Variants in PIK3R3 observed in about 807,000 individuals in gnomAD.
PIK3R3 encodes phosphoinositide-3-kinase regulatory subunit 3, also known as phosphatidylinositol 3-kinase regulatory subunit gamma.
In PIK3R3, 64 loss-of-function variants were observed where a neutral mutation model predicts 62.9. The ratio of observed to expected loss-of-function variants is 1.02; its 90% CI spans 0.83 to 1.25. The LOEUF (loss-of-function observed/expected upper bound fraction) is 1.25, where lower values mean the gene tolerates loss of function less well. Ranked by LOEUF, PIK3R3 falls within the 50% of genes most tolerant of loss-of-function variation. PIK3R3 has a pLI of 0.00. For synonymous variants in PIK3R3, 165 were observed against 189.0 expected, an observed-to-expected ratio of 0.87 and a Z score of 1.04; for missense variants, 614 against 561.6, an observed-to-expected ratio of 1.09 and a Z score of -0.94.
intron 1 of PIK3R3, among the ~76,000 whole-genome samples, chr1:46,081,950 G>C (rs981119644): frequency 6.6e-6 from 1 of 151,864 alleles, no homozygotes; most frequent in African/African-American, 2.4e-5. Flanking sequence ...TAATAGTAAA[G>C]AAATATAACT....
At chr1:46,152,213 G>A in the PIK3R3 span, among the ~76,000 whole-genome samples, 4 of 152,254 alleles carry the variant, frequency 2.6e-5, no homozygotes, top group African/African-American at 9.6e-5. Flanking sequence ...TCAACACTCA[G>A]CCAACTAACA....
At chr1:46,067,400 A>C (rs1649112935) in intron 3 of PIK3R3, among the ~76,000 whole-genome samples, 1 of 151,980 alleles carries the variant, frequency 6.6e-6, no homozygotes, top group African/African-American at 2.4e-5. Flanking sequence ...AAACAGAAGT[A>C]AATTCTATTT....
At chr1:46,110,494 T>A (rs1456209299) in intron 1 of PIK3R3, among the ~76,000 whole-genome samples, 1 of 152,018 alleles carries the variant, frequency 6.6e-6, no homozygotes, top group African/African-American at 2.4e-5. Flanking sequence ...CATGAAACTT[T>A]CCCTCATATT....
At chr1:46,126,705 G>A (rs1052589546) in intron 1 of PIK3R3, among the ~76,000 whole-genome samples, 3 of 151,722 alleles carry the variant, frequency 2.0e-5, no homozygotes, top group African/African-American at 7.3e-5. Context: ...GGATGCTGAG[G>A]CAGAAGGATC....
At chr1:46,105,736 G>T (rs1024123736) in intron 1 of PIK3R3, among the ~76,000 whole-genome samples, 1 of 150,560 alleles carries the variant, frequency 6.6e-6, no homozygotes, top group African/African-American at 2.4e-5. Flanking sequence ...CATGAGAATC[G>T]CTTGAACCCC....
At chr1:46,125,225 C>G (rs72677551) in intron 1 of PIK3R3, among the ~76,000 whole-genome samples, 1 of 151,950 alleles carries the variant, frequency 6.6e-6, no homozygotes, top group Non-Finnish European at 1.5e-5. Context: ...TAGTTGGATA[C>G]ACTATACATT....
chr1:46,108,131 A>G (rs1221314363), intron 1 of PIK3R3, among the ~76,000 whole-genome samples: 2 of 152,230 alleles, frequency 1.3e-5, no homozygotes, highest in Admixed American at 1.3e-4. Flanking sequence ...AGTTATTACT[A>G]ACCCTTTGTA....
intron 3 of PIK3R3, among the ~76,000 whole-genome samples, chr1:46,070,727 C>T (rs546909698): frequency 6.6e-6 from 1 of 152,252 alleles, no homozygotes; most frequent in Admixed American, 6.5e-5. Context: ...CTGGTGACTA[C>T]ACTGGAGGAA....
Position 46,055,106 on chromosome 1 carries a change from C to CTT in PIK3R3, c.941+687_941+688dup, listed in dbSNP as rs754326024. ...TTTAGTACAGACAGGGTTTCACCAT[C>CTT]TTTTTTTTTTTTTTTTTCCCAGATG... On this transcript the variant is annotated intron_variant, in intron 7 of 9. Coordinates refer to ENST00000262741, the MANE Select transcript of PIK3R3 (RefSeq NM_003629.4). 5.5e-3 allele frequency among the ~76,000 whole-genome samples: 688 copies of CTT among 125,396 alleles called. 8 individuals carry two copies. The highest frequency in any genetic ancestry group is 0.02 in the African/African-American group (660 of 33,638). 82.3% of individuals were successfully genotyped at this position (125,396 alleles called of 152,430 possible). A position where few individuals can be genotyped will look rare whatever the true frequency, so the allele number is the denominator to read the frequency against.
chr1:46,116,828 G>A (rs1654230900), intron 1 of PIK3R3, among the ~76,000 whole-genome samples: 1 of 152,008 alleles, frequency 6.6e-6, no homozygotes, highest in Admixed American at 6.5e-5. Flanking sequence ...TTAGAAAACT[G>A]CCCAAGGTCA....
chr1:46,109,214 C>T (rs894973412), intron 1 of PIK3R3, among the ~76,000 whole-genome samples: 6 of 151,722 alleles, frequency 4.0e-5, no homozygotes, highest in African/African-American at 1.5e-4. Context: ...TCTCTAACTA[C>T]CTCTTACTTT....
chr1:46,157,331 C>T, the PIK3R3 span, among the ~76,000 whole-genome samples: 1 of 152,070 alleles, frequency 6.6e-6, no homozygotes, highest in Non-Finnish European at 1.5e-5. Flanking sequence ...CAGGGTTTTG[C>T]CATGTTGCCC....
intron 7 of PIK3R3, among the ~76,000 whole-genome samples, chr1:46,048,835 C>T (rs994524647): frequency 1.3e-5 from 2 of 152,174 alleles, no homozygotes; most frequent in East Asian, 3.8e-4. Flanking sequence ...ATTTCAAAGA[C>T]TTATCTAGTT....
the PIK3R3 span, among the ~76,000 whole-genome samples, chr1:46,159,262 A>G: frequency 5.3e-5 from 8 of 152,266 alleles, no homozygotes; most frequent in East Asian, 1.5e-3. Context: ...TCTTTCCACT[A>G]GATTATAAAT....
intron 7 of PIK3R3, chr1:46,048,370 A>C (rs1647172305): frequency 6.6e-6 from 1 of 152,198 alleles, no homozygotes; most frequent in African/African-American, 2.4e-5. Flanking sequence ...ATTGCCCTTT[A>C]GTTAACTTGG....
chr1:46,126,788 G>A (rs1003711274), intron 1 of PIK3R3, among the ~76,000 whole-genome samples: 8 of 150,424 alleles, frequency 5.3e-5, no homozygotes, highest in Admixed American at 4.0e-4. Flanking sequence ...AAAGCCATAT[G>A]TATAATGCTT....
chr1:46,053,635 C>G (rs989363848), intron 7 of PIK3R3, among the ~76,000 whole-genome samples: 1 of 152,128 alleles, frequency 6.6e-6, no homozygotes, highest in Non-Finnish European at 1.5e-5. Context: ...CACCCCTCAC[C>G]AGACACCAAA....
At chr1:46,090,335 TA>T (rs1557599020) in intron 1 of PIK3R3, among the ~76,000 whole-genome samples, 7 of 151,744 alleles carry the variant, frequency 4.6e-5, no homozygotes, top group Non-Finnish European at 8.8e-5. Context: ...TTTATTTATT[TA>T]TTTATTTATT....
At chr1:46,128,567 A>G (rs1260875643) in intron 1 of PIK3R3, among the ~76,000 whole-genome samples, 3 of 152,244 alleles carry the variant, frequency 2.0e-5, no homozygotes, top group African/African-American at 4.8e-5. Flanking sequence ...CAATGAGTTG[A>G]GCAAGGACCT....
Sources: gnomAD v4.1 joint callset for allele counts (sites outside exome capture counted in the v4.1 genomes callset) on GRCh38, gnomAD v4.1.1 for gene constraint, MANE v1.5 for transcripts, NCBI Gene and HGNC (gene_info 2026-07-23, HGNC 2026-07-21) for gene names.